The following THSD7B variants were observed in gnomAD, a reference collection of about 807,000 sequenced individuals.
THSD7B encodes thrombospondin type-1 domain-containing protein 7B.
THSD7B carries 138 observed loss-of-function variants against 213.6 expected under a neutral mutation model. The observed-to-expected ratio is 0.65, with a 90% CI of 0.56 to 0.74. The LOEUF (loss-of-function observed/expected upper bound fraction) is 0.74. Ranked by LOEUF, THSD7B falls within the 30% of genes least tolerant of loss-of-function variation. The pLI, the probability that THSD7B is intolerant of heterozygous loss-of-function variation, is 0.00. For synonymous variants in THSD7B, 742 were observed against 687.0 expected (o/e 1.08, Z -1.25); for missense variants, 1,931 against 1,991.5 (o/e 0.97, Z 0.58).
chr2:137,288,384 A>C (rs1425748148), intron 12 of THSD7B, among the ~76,000 whole-genome samples: 3 of 152,134 alleles, frequency 2.0e-5, no homozygotes, highest in African/African-American at 7.2e-5. Context: ...AACCTACTAG[A>C]GTCTATGAAA....
chr2:136,819,281 T>C (rs1682532903), intron 1 of THSD7B, among the ~76,000 whole-genome samples: 1 of 152,208 alleles, frequency 6.6e-6, no homozygotes, highest in Admixed American at 6.5e-5. Flanking sequence ...TGCACATCTG[T>C]TGTTTTTTCC....
chr2:136,961,855 A>G (rs1369583309), intron 2 of THSD7B, among the ~76,000 whole-genome samples: 2 of 152,322 alleles, frequency 1.3e-5, no homozygotes, highest in East Asian at 3.9e-4. Flanking sequence ...AGAATATAAA[A>G]TGATTTCTTA....
intron 1 of THSD7B, among the ~76,000 whole-genome samples, chr2:136,843,046 C>A (rs946960971): frequency 1.3e-5 from 2 of 150,854 alleles, no homozygotes; most frequent in African/African-American, 4.9e-5. Context: ...TGAATTTGAG[C>A]AAAATAACCA....
intron 1 of THSD7B, among the ~76,000 whole-genome samples, chr2:136,795,032 A>C (rs1400310817): frequency 6.6e-6 from 1 of 151,860 alleles, no homozygotes; most frequent in Non-Finnish European, 1.5e-5. Flanking sequence ...TCTACCGTTA[A>C]TTTATCTATA....
At chr2:137,116,544 A>G (rs1418613859) in intron 5 of THSD7B, among the ~76,000 whole-genome samples, 1 of 152,182 alleles carries the variant, frequency 6.6e-6, no homozygotes, top group Non-Finnish European at 1.5e-5. Flanking sequence ...ATATAAATAA[A>G]ACTTGTATAG....
At chr2:137,440,099 G>A (rs965862845) in intron 14 of THSD7B, among the ~76,000 whole-genome samples, 7 of 152,054 alleles carry the variant, frequency 4.6e-5, no homozygotes, top group Admixed American at 2.0e-4. Flanking sequence ...TTGAATGCTG[G>A]TGTAGTAATA....
intron 1 of THSD7B, among the ~76,000 whole-genome samples, chr2:136,864,775 A>C (rs994542703): frequency 6.6e-6 from 1 of 152,210 alleles, no homozygotes; most frequent in Non-Finnish European, 1.5e-5. Flanking sequence ...GATGGTCTTG[A>C]TCTCCTGACC....
At chr2:137,356,855 T>C (rs1042920595) in intron 12 of THSD7B, among the ~76,000 whole-genome samples, 1 of 152,074 alleles carries the variant, frequency 6.6e-6, no homozygotes, top group African/African-American at 2.4e-5. Flanking sequence ...TGGGGTAGTT[T>C]GTATGTAGCA....
intron 9 of THSD7B, among the ~76,000 whole-genome samples, chr2:137,239,362 A>G (rs1320147212): frequency 6.6e-6 from 1 of 152,094 alleles, no homozygotes; most frequent in African/African-American, 2.4e-5. Context: ...CACATAGTTC[A>G]CCAATATAAA....
intron 12 of THSD7B, among the ~76,000 whole-genome samples, chr2:137,295,513 G>A (rs1021462695): frequency 1.5e-4 from 23 of 152,010 alleles, no homozygotes; most frequent in African/African-American, 5.1e-4. Context: ...GTCTTGCTCT[G>A]TTGCCAGGCT....
intron 6 of THSD7B, among the ~76,000 whole-genome samples, chr2:137,165,491 C>T (rs1261803725): frequency 6.6e-6 from 1 of 151,988 alleles, no homozygotes; most frequent in African/African-American, 2.4e-5. Context: ...GGTCTGAGAT[C>T]CCCCTCAGTC....
rs1324649982 is a variant in THSD7B, at chr2:136,930,515, G to A, written c.139+48198G>A. ...GACAGGCCATACAAAACCATGATTG[G>A]TTCTTGAATCTAGAAGTAATGTGAA... On this transcript the variant is annotated intron_variant, in intron 2 of 27. Coordinates refer to ENST00000409968, the MANE Select transcript of THSD7B (RefSeq NM_001316349.2). Among the ~76,000 whole-genome samples, 4 of 152,336 alleles carry A rather than the reference G, an allele frequency of 2.6e-5. No homozygotes were observed. The South Asian group carries it at 6.2e-4, about 24-fold the overall frequency.
Position 137,235,512 on chromosome 2 carries a change from T to A in THSD7B, c.2150+2379T>A, listed in dbSNP as rs58564973. Among the ~76,000 whole-genome samples, 389 of 152,266 alleles carry A rather than the reference T, an allele frequency of 2.6e-3. 3 individuals carry two copies. The highest frequency in any genetic ancestry group is 9.1e-3 in the African/African-American group (378 of 41,550). On this transcript the variant is annotated intron_variant, in intron 9 of 27. Transcript: ENST00000409968. Reference sequence around the variant, plus strand: ...ATTATCATCATATTTTAAAGGGCTATTCGGACAGAAAAAGTTGAGTTATAT... The same window carrying A: ...ATTATCATCATATTTTAAAGGGCTAATCGGACAGAAAAAGTTGAGTTATAT...
chr2:137,395,571 T>G lies in THSD7B; in HGVS notation c.2501-10042T>G, dbSNP rs1465212134. Among the ~76,000 whole-genome samples the G allele has an allele frequency of 7.9e-5, 12 of 152,216 alleles. No individual in the cohort carries two copies. The East Asian group carries it at 2.3e-3, about 29-fold the overall frequency. On this transcript the variant is annotated intron_variant, in intron 12 of 27. Coordinates refer to ENST00000409968, the MANE Select transcript of THSD7B (RefSeq NM_001316349.2). ...GCTGCTGGATTTGTTTTGCCAGTAT[T>G]TTATTGAGGATTTTTGCATCAATGT...
chr2:137,411,693 T>C lies in THSD7B; in HGVS notation c.2780T>C (p.Ile927Thr), dbSNP rs2105012758. Residue 927 changes from isoleucine (I) to threonine (T), a missense_variant, in exon 14 of 28, where the codon ATA (isoleucine) becomes ACA (threonine). Ile to Thr is a moderately conservative substitution (Grantham distance 89). Coordinates refer to ENST00000409968, the MANE Select transcript of THSD7B (RefSeq NM_001316349.2). ...GAACTATGTCCTTGTGATGAATTTA[T>C]ATCCCAACCTTATGGAAACTGGTCA... Reference protein sequence around the residue: ...ETELCPCDEFISQPYGNWSDC... With the variant: ...ETELCPCDEFTSQPYGNWSDC... 7 of 1,614,026 alleles carry C rather than the reference T, an allele frequency of 4.3e-6. No homozygotes were observed. The highest frequency in any genetic ancestry group is 1.1e-5 in the South Asian group (1 of 91,088).
intron 15 of THSD7B, among the ~76,000 whole-genome samples, chr2:137,521,024 T>C (rs535380360): frequency 5.3e-5 from 8 of 152,146 alleles, no homozygotes; most frequent in African/African-American, 1.9e-4. Context: ...TGAGGTGGGG[T>C]TGGGGATTGG....
At chr2:137,487,490 C>T (rs1169918042) in intron 15 of THSD7B, among the ~76,000 whole-genome samples, 5 of 147,830 alleles carry the variant, frequency 3.4e-5, no homozygotes, top group Non-Finnish European at 6.0e-5. Context: ...AATAGAGACA[C>T]AAAAAACCCT....
At chr2:136,920,391 G>T (rs1684413827) in intron 2 of THSD7B, among the ~76,000 whole-genome samples, 2 of 152,180 alleles carry the variant, frequency 1.3e-5, no homozygotes, top group South Asian at 4.1e-4. Flanking sequence ...CCGGCTCTTG[G>T]CAGAGAAGAG....
intron 1 of THSD7B, among the ~76,000 whole-genome samples, chr2:136,859,044 A>G (rs1424789378): frequency 3.9e-5 from 6 of 152,194 alleles, no homozygotes; most frequent in Non-Finnish European, 7.3e-5. Context: ...AAGGAATATG[A>G]GATTGTTTCA....
Sources: allele counts gnomAD v4.1 joint callset (sites outside exome capture counted in the v4.1 genomes callset), GRCh38; gene constraint gnomAD v4.1.1; transcripts MANE v1.5; gene names NCBI Gene and HGNC (gene_info 2026-07-23, HGNC 2026-07-21).